MTHFD1L: variants seen among roughly 807,000 people sequenced by gnomAD.
MTHFD1L encodes monofunctional C1-tetrahydrofolate synthase, mitochondrial.
Under a neutral mutation model 119.5 loss-of-function variants are expected in MTHFD1L, and 81 were observed. The ratio of observed to expected loss-of-function variants is 0.68; its 90% CI spans 0.57 to 0.82. MTHFD1L has a LOEUF of 0.82. Ranked by LOEUF, MTHFD1L falls within the 40% of genes least tolerant of loss-of-function variation. The probability of loss-of-function intolerance (pLI) is 0.00; values close to 1 mark genes in which losing one functional copy is unlikely to be tolerated. For synonymous variants in MTHFD1L, 430 were observed against 475.2 expected, an observed-to-expected ratio of 0.90 and a Z score of 1.24; for missense variants, 1,125 against 1,253.4, an observed-to-expected ratio of 0.90 and a Z score of 1.55.
At chr6:150,932,951 C>T (rs1791406145) in intron 11 of MTHFD1L, among the ~76,000 whole-genome samples, 1 of 151,980 alleles carries the variant, frequency 6.6e-6, no homozygotes, top group African/African-American at 2.4e-5. Flanking sequence ...TTTCGTATAT[C>T]CCCGTTGATG....
At chr6:151,016,697 T>C (rs1584148325) in intron 24 of MTHFD1L, 1 of 280,472 alleles carries the variant, frequency 3.6e-6, no homozygotes, top group Admixed American at 4.9e-5. Flanking sequence ...TGTGTGTATA[T>C]ATACATACAT....
intron 26 of MTHFD1L, chr6:151,041,755 CCCT>C (rs1562583017): frequency 2.2e-6 from 1 of 448,802 alleles, no homozygotes; most frequent in South Asian, 1.5e-5. Context: ...GGCAGAAAGC[CCCT>C]CTTGTTGTGT....
chr6:151,043,258 CTTTTTTTTTTTTTTT>C (rs1170553631), intron 26 of MTHFD1L, among the ~76,000 whole-genome samples: 17 of 78,856 alleles, frequency 2.2e-4, no homozygotes, highest in African/African-American at 7.8e-4. Flanking sequence ...AGTGTTTTCT[CTTTTTTTTTTTTTTT>C]TTTTTTTTTG....
intron 5 of MTHFD1L, among the ~76,000 whole-genome samples, chr6:150,884,439 C>G (rs1350794433): frequency 1.3e-5 from 2 of 152,036 alleles, no homozygotes; most frequent in Middle Eastern, 3.4e-3. Flanking sequence ...CGCGCCTGGC[C>G]CCTTGTCTCT....
intron 24 of MTHFD1L, chr6:151,022,202 A>G (rs1218171200): frequency 4.8e-5 from 16 of 332,762 alleles, no homozygotes; most frequent in Non-Finnish European, 8.6e-5. Context: ...GTTTGTTGTT[A>G]TTGTTGTTGT....
chr6:151,013,826 A>G lies in MTHFD1L; in HGVS notation c.2307+6A>G, dbSNP rs1300160788. The G allele has an allele frequency of 6.2e-7, 1 of 1,611,176 alleles. No individual in the cohort carries two copies. Among genetic ancestry groups the G allele is most frequent in the South Asian group, 1.1e-5 (1 of 90,730 alleles). Reference sequence around the variant, plus strand: ...AGAAAGAATATACAGAGGAGGTAAGAGGAGCTGTTTAGATGCTTATGTGAA... The same window carrying G: ...AGAAAGAATATACAGAGGAGGTAAGGGGAGCTGTTTAGATGCTTATGTGAA... On this transcript the variant is annotated splice_donor_region_variant and intron_variant, in intron 22 of 27. Coordinates refer to ENST00000367321, the MANE Select transcript of MTHFD1L (RefSeq NM_015440.5).
intron 1 of MTHFD1L, 41 bp downstream of exon 1, chr6:150,866,090 T>C (rs1583255736): frequency 6.8e-7 from 1 of 1,479,358 alleles, no homozygotes; most frequent in Non-Finnish European, 8.9e-7. Context: ...CTCCAGCGGC[T>C]GTGGCCCCGA....
At chr6:151,096,223 A>T (rs1184981879) in intron 27 of MTHFD1L, among the ~76,000 whole-genome samples, 1 of 152,190 alleles carries the variant, frequency 6.6e-6, no homozygotes, top group Non-Finnish European at 1.5e-5. Flanking sequence ...TGATTTTGTC[A>T]TAATTCTTTT....
intron 8 of MTHFD1L, among the ~76,000 whole-genome samples, chr6:150,910,677 A>C (rs1356693714): frequency 6.6e-6 from 1 of 152,164 alleles, no homozygotes; most frequent in Non-Finnish European, 1.5e-5. Flanking sequence ...ATTGGGAGCA[A>C]GGCTGTTGGG....
At chr6:150,904,858 G>C (rs1785627297) in intron 7 of MTHFD1L, among the ~76,000 whole-genome samples, 2 of 152,062 alleles carry the variant, frequency 1.3e-5, no homozygotes, top group African/African-American at 4.8e-5. Context: ...AAAAATGAAT[G>C]GTTGGACAAG....
chr6:151,081,425 C>T (rs780573054), intron 26 of MTHFD1L, among the ~76,000 whole-genome samples: 5 of 150,026 alleles, frequency 3.3e-5, no homozygotes, highest in South Asian at 2.1e-4. Context: ...GGCTGCGGTG[C>T]GCAGATCACC....
chr6:151,099,867 A>G (rs1192114183), intron 27 of MTHFD1L: 1 of 1,581,842 alleles, frequency 6.3e-7, no homozygotes, highest in African/African-American at 1.3e-5. Flanking sequence ...TCGTGGAAAG[A>G]GCTGCCCAAC....
intron 23 of MTHFD1L, among the ~76,000 whole-genome samples, chr6:151,015,301 A>G (rs1782886231): frequency 6.7e-6 from 1 of 149,716 alleles, no homozygotes; most frequent in African/African-American, 2.5e-5. Context: ...TTTTCTTGAT[A>G]ACACCCTTAA....
At chr6:151,090,251 C>T (rs1584447407) in intron 26 of MTHFD1L, among the ~76,000 whole-genome samples, 2 of 152,342 alleles carry the variant, frequency 1.3e-5, no homozygotes, top group South Asian at 2.1e-4. Flanking sequence ...GCTTTTCCCT[C>T]CCCTTCGCTC....
chr6:150,885,916 A>C (rs112461885), intron 6 of MTHFD1L, among the ~76,000 whole-genome samples, 182 bp downstream of exon 6: 4 of 152,094 alleles, frequency 2.6e-5, no homozygotes, highest in African/African-American at 9.6e-5. Flanking sequence ...GACTTTTTTT[A>C]TTTTTCTCAT....
At chr6:150,892,731 C>A (rs184689966) in intron 7 of MTHFD1L, among the ~76,000 whole-genome samples, 6 of 152,206 alleles carry the variant, frequency 3.9e-5, no homozygotes, top group Non-Finnish European at 5.9e-5. Flanking sequence ...CCACATACTT[C>A]CCCGTAACCC....
At chr6:151,047,686 G>C (rs1295116732) in intron 26 of MTHFD1L, among the ~76,000 whole-genome samples, 1 of 152,164 alleles carries the variant, frequency 6.6e-6, no homozygotes, top group East Asian at 1.9e-4. Flanking sequence ...ATGTTGTAGA[G>C]TGTAGGACCC....
At chr6:151,033,715 T>C (rs1785688198) in intron 24 of MTHFD1L, among the ~76,000 whole-genome samples, 2 of 152,174 alleles carry the variant, frequency 1.3e-5, no homozygotes, top group Admixed American at 6.5e-5. Context: ...GATTTTCCAA[T>C]ATAGTGTTTG....
At chr6:150,866,799 T>C (rs1405454116) in intron 1 of MTHFD1L, among the ~76,000 whole-genome samples, 2 of 152,100 alleles carry the variant, frequency 1.3e-5, no homozygotes, top group African/African-American at 4.8e-5. Context: ...GCCTTTCCCG[T>C]CCCGGTCCCC....
Sources: gnomAD v4.1 joint callset for allele counts (sites outside exome capture counted in the v4.1 genomes callset) on GRCh38, gnomAD v4.1.1 for gene constraint, MANE v1.5 for transcripts, NCBI Gene and HGNC (gene_info 2026-07-23, HGNC 2026-07-21) for gene names.